The following GREM2 variants were observed in gnomAD, a reference collection of about 807,000 sequenced individuals.
GREM2 encodes the protein gremlin-2.
GREM2 carries 11 observed loss-of-function variants against 14.2 expected under a neutral mutation model. The observed-to-expected ratio is 0.78, with a 90% CI of 0.49 to 1.28. GREM2 has a LOEUF of 1.28. GREM2 is among the 50% of genes most tolerant of loss of function. GREM2 has a pLI of 0.00. For synonymous variants in GREM2, 98 were observed against 97.6 expected, an observed-to-expected ratio of 1.00 and a Z score of -0.02; for missense variants, 210 against 218.5, an observed-to-expected ratio of 0.96 and a Z score of 0.24.
chr1:240,504,196 A>G lies in GREM2; in HGVS notation c.-1-10720T>C, dbSNP rs187557607. 6.0e-4 allele frequency among the ~76,000 whole-genome samples: 92 copies of G among 152,334 alleles called. 1 individual carries two copies. In the East Asian group the frequency reaches 0.017, roughly 28 times the overall value. ...AATGGAATATTTGAAAAAATGGAAA[A>G]AAACTGTTCAGTACTAATAATTTTT... On this transcript the variant is annotated intron_variant, in intron 1 of 1. Transcript: ENST00000318160.
intron 1 of GREM2, among the ~76,000 whole-genome samples, chr1:240,545,382 G>A (rs769401076): frequency 2.6e-5 from 4 of 152,216 alleles, no homozygotes; most frequent in Non-Finnish European, 5.9e-5. Flanking sequence ...TGTCCTATAC[G>A]TCTCTTCATT....
intron 1 of GREM2, among the ~76,000 whole-genome samples, chr1:240,517,802 C>G (rs1412918563): frequency 2.6e-5 from 4 of 152,150 alleles, no homozygotes; most frequent in Non-Finnish European, 1.5e-5. Context: ...CCAGAACTCT[C>G]CTGGTCATCC....
chr1:240,554,787 T>C (rs933914598), intron 1 of GREM2, among the ~76,000 whole-genome samples: 8 of 152,236 alleles, frequency 5.3e-5, no homozygotes, highest in Admixed American at 2.0e-4. Context: ...TCAGTTGGCA[T>C]TTCTTGTGCC....
At chr1:240,599,193 A>G (rs1249122657) in intron 1 of GREM2, among the ~76,000 whole-genome samples, 1 of 151,158 alleles carries the variant, frequency 6.6e-6, no homozygotes, top group African/African-American at 2.4e-5. Flanking sequence ...GCTTGAATCC[A>G]GGAGGTGGAG....
At chr1:240,508,860 T>C (rs1256987736) in intron 1 of GREM2, among the ~76,000 whole-genome samples, 2 of 152,208 alleles carry the variant, frequency 1.3e-5, no homozygotes, top group South Asian at 2.1e-4. Flanking sequence ...AACCTGAGAA[T>C]TGATATTTTT....
At chr1:240,556,230 C>T (rs367956236) in intron 1 of GREM2, among the ~76,000 whole-genome samples, 6 of 152,252 alleles carry the variant, frequency 3.9e-5, no homozygotes, top group South Asian at 2.1e-4. Flanking sequence ...AGCAAATGTT[C>T]GAAGAGTGAA....
intron 1 of GREM2, among the ~76,000 whole-genome samples, chr1:240,550,972 G>A (rs1678838042): frequency 6.6e-6 from 1 of 152,130 alleles, no homozygotes; most frequent in African/African-American, 2.4e-5. Flanking sequence ...GAATTAAAAG[G>A]AATAATTTTG....
intron 1 of GREM2, among the ~76,000 whole-genome samples, chr1:240,507,683 AAAAGCAGGAATAGC>A (rs1341773633): frequency 1.3e-5 from 2 of 152,096 alleles, no homozygotes; most frequent in African/African-American, 4.8e-5. Context: ...GAAGACAAGG[AAAAGCAGGAATAGC>A]AAAGGCTATA....
At position 240,545,305 on chromosome 1, in the gene GREM2, T is replaced by C. The variant is rs73113741; in HGVS notation, c.-1-51829A>G. ...CTGAGGGCTTTCGGATAGTTGGACATGTGGAGTTTCCTGGAGATTGGTGCC... is the reference window on the plus strand; with the variant it reads ...CTGAGGGCTTTCGGATAGTTGGACACGTGGAGTTTCCTGGAGATTGGTGCC... On this transcript the variant is annotated intron_variant, in intron 1 of 1. Coordinates refer to ENST00000318160, the MANE Select transcript of GREM2 (RefSeq NM_022469.4). 6.3e-3 allele frequency among the ~76,000 whole-genome samples: 967 copies of C among 152,368 alleles called. 12 individuals carry two copies. The highest frequency in any genetic ancestry group is 0.022 in the African/African-American group (930 of 41,600).
chr1:240,591,465 A>G (rs1438557142), intron 1 of GREM2, among the ~76,000 whole-genome samples: 1 of 152,192 alleles, frequency 6.6e-6, no homozygotes. Context: ...GGTGTTGAGG[A>G]GGCCCATGTG....
intron 1 of GREM2, among the ~76,000 whole-genome samples, chr1:240,554,632 G>A (rs1351606144): frequency 2.0e-5 from 3 of 152,016 alleles, no homozygotes; most frequent in East Asian, 1.9e-4. Context: ...TTATTAAATC[G>A]TTATTTTAAA....
chr1:240,550,844 A>C lies in GREM2; in HGVS notation c.-1-57368T>G, dbSNP rs1420340222. ...AGCAAATATTGTGCTGACATATCCA[A>C]TCAAATGGACATTGTCAAACATCCT... On this transcript the variant is annotated intron_variant, in intron 1 of 1. Coordinates refer to ENST00000318160, the MANE Select transcript of GREM2 (RefSeq NM_022469.4). Among the ~76,000 whole-genome samples the C allele has an allele frequency of 7.2e-5, 11 of 152,204 alleles. No individual in the cohort carries two copies. In the South Asian group the frequency reaches 1.7e-3, roughly 23 times the overall value.
intron 1 of GREM2, among the ~76,000 whole-genome samples, chr1:240,547,276 G>A (rs375270792): frequency 3.3e-5 from 5 of 151,980 alleles, no homozygotes; most frequent in Admixed American, 6.6e-5. Flanking sequence ...CGAGGTGGGC[G>A]GATCACGAGG....
chr1:240,540,035 G>A lies in GREM2; in HGVS notation c.-1-46559C>T, dbSNP rs1462929177. On this transcript the variant is annotated intron_variant, in intron 1 of 1. Coordinates refer to ENST00000318160, the MANE Select transcript of GREM2 (RefSeq NM_022469.4). The surrounding 1 kb of genome is among the most constrained non-coding windows in gnomAD (Gnocchi z 4.2). ...CTCAGGATCCCTTGCTATGTGCTGA[G>A]ATTTTCTGTCTTATGACATTAGCTT... Among the ~76,000 whole-genome samples, 1 of 152,178 alleles carries A rather than the reference G, an allele frequency of 6.6e-6. No individual in the cohort carries two copies. The highest frequency in any genetic ancestry group is 1.5e-5 in the Non-Finnish European group (1 of 68,034).
intron 1 of GREM2, among the ~76,000 whole-genome samples, chr1:240,592,604 C>T (rs1395336996): frequency 2.0e-5 from 3 of 152,098 alleles, no homozygotes; most frequent in Admixed American, 1.3e-4. Context: ...TCCTAGGGAC[C>T]AAACAACTCT....
intron 1 of GREM2, among the ~76,000 whole-genome samples, chr1:240,500,330 G>T (rs1320624461): frequency 2.7e-5 from 4 of 150,326 alleles, no homozygotes; most frequent in Admixed American, 2.7e-4. Flanking sequence ...ACAGAGTCTT[G>T]CTCTGTTGCC....
chr1:240,595,705 T>A (rs778901873), intron 1 of GREM2, among the ~76,000 whole-genome samples: 15 of 152,126 alleles, frequency 9.9e-5, no homozygotes, highest in Non-Finnish European at 1.6e-4. Context: ...TGGGTCTGAA[T>A]TCTGGCTCCT....
intron 1 of GREM2, among the ~76,000 whole-genome samples, chr1:240,549,654 C>T (rs971957516): frequency 2.0e-5 from 3 of 152,192 alleles, no homozygotes; most frequent in African/African-American, 7.2e-5. Context: ...ACAGCTTCTT[C>T]TCTGAGATAA....
chr1:240,610,641 C>A (rs1680114018), intron 1 of GREM2, among the ~76,000 whole-genome samples: 1 of 152,216 alleles, frequency 6.6e-6, no homozygotes, highest in South Asian at 2.1e-4. Context: ...GAAAGCTAAG[C>A]ACGGCTGAAT....
Sources: gnomAD v4.1 joint callset for allele counts (sites outside exome capture counted in the v4.1 genomes callset) on GRCh38, gnomAD v4.1.1 for gene constraint, Gnocchi (gnomAD v3.1) non-coding constraint, MANE v1.5 for transcripts, NCBI Gene and HGNC (gene_info 2026-07-23, HGNC 2026-07-21) for gene names.